ANKRD28: variants seen among roughly 807,000 people sequenced by gnomAD.
ANKRD28 encodes ankyrin repeat domain 28, also known as serine/threonine-protein phosphatase 6 regulatory ankyrin repeat subunit A.
A neutral mutation model predicts 126.5 loss-of-function variants in ANKRD28; 44 were observed. The ratio of observed to expected loss-of-function variants is 0.35; its 90% CI spans 0.27 to 0.45. The LOEUF (loss-of-function observed/expected upper bound fraction) is 0.45, where lower values mean the gene tolerates loss of function less well. Ranked by LOEUF, ANKRD28 falls within the 20% of genes least tolerant of loss-of-function variation. The probability of loss-of-function intolerance (pLI) is 1.00; values close to 1 mark genes in which losing one functional copy is unlikely to be tolerated. For synonymous variants in ANKRD28, 442 were observed against 468.5 expected, an observed-to-expected ratio of 0.94 and a Z score of 0.73; for missense variants, 1,110 against 1,316.6, an observed-to-expected ratio of 0.84 and a Z score of 2.43.
chr3:15,788,419 C>G (rs533462662), intron 2 of ANKRD28, among the ~76,000 whole-genome samples: 1 of 152,068 alleles, frequency 6.6e-6, no homozygotes, highest in Non-Finnish European at 1.5e-5. Context: ...GACATGGGTT[C>G]AAATTCCCAT....
rs1345503142 is a variant in ANKRD28, at chr3:15,811,284, T to TTA, written c.28-15979_28-15978insTA. ...CTCCATAATCTGTTACAATCACAAA[T>TTA]AGACTCTATAGACTTAAGTACTCAA... On this transcript the variant is annotated intron_variant, in intron 1 of 27. Coordinates refer to the ANKRD28 transcript ENST00000399451. Among the ~76,000 whole-genome samples the TTA allele has an allele frequency of 2.1e-3, 320 of 152,330 alleles. 2 individuals are homozygous for TTA. The highest frequency in any genetic ancestry group is 0.01 in the Middle Eastern group (3 of 294).
intron 1 of ANKRD28, among the ~76,000 whole-genome samples, chr3:15,828,826 A>G (rs2061127421): frequency 6.6e-6 from 1 of 152,166 alleles, no homozygotes. Context: ...CCCTTTATAA[A>G]TGTGTAATCA....
intron 1 of ANKRD28, among the ~76,000 whole-genome samples, chr3:15,837,115 A>C (rs2061343547): frequency 6.6e-6 from 1 of 151,146 alleles, no homozygotes; most frequent in African/African-American, 2.4e-5. Context: ...AAAAAAAAAA[A>C]CCATAAAAAC....
Position 15,708,019 on chromosome 3 carries a change from C to T in ANKRD28, c.1452G>A (p.Leu484=). ...YAAANCNYQC[L]FALVGSGASV... The stretch of plus-strand genomic sequence containing the variant: ...TTGCTCCTGATCCCACAAGAGCAAA[C>T]AGGCACTGGTAATTGCAGTTGGCAG... The change falls in exon 14 of 28, where the codon CTG becomes CTA. Residue 484 remains leucine (L), a synonymous_variant. Transcript: ENST00000683139. The T allele has an allele frequency of 6.2e-7, 1 of 1,610,738 alleles. No individual in the cohort carries two copies. The highest frequency in any genetic ancestry group is 8.5e-7 in the Non-Finnish European group (1 of 1,178,534).
intron 27 of ANKRD28, 34 bp from the exon 28 acceptor site, chr3:15,670,590 T>A: frequency 1.1e-5 from 17 of 1,584,414 alleles, no homozygotes; most frequent in Non-Finnish European, 1.4e-5. Flanking sequence ...AAATTAAGCA[T>A]CCTGAGATGT....
Position 15,808,852 on chromosome 3 carries a change from T to C in ANKRD28, c.28-13546A>G, listed in dbSNP as rs1199679071. The stretch of plus-strand genomic sequence containing the variant: ...CTCCAAGGTCATCAATGATAATTTA[T>C]TACAAAATCATCATTATTCTCAACT... On this transcript the variant is annotated intron_variant, in intron 1 of 27. Transcript: ENST00000399451. Among the ~76,000 whole-genome samples the C allele has an allele frequency of 7.9e-5, 12 of 152,312 alleles. No homozygotes were observed. The East Asian group carries it at 2.3e-3, about 29-fold the overall frequency.
chr3:15,818,136 C>T (rs894285910), intron 1 of ANKRD28, among the ~76,000 whole-genome samples: 6 of 152,064 alleles, frequency 3.9e-5, no homozygotes, highest in African/African-American at 1.4e-4. Flanking sequence ...CAGGAGCTCC[C>T]CCGTTATCCA....
chr3:15,806,318 C>T (rs2060576735), intron 1 of ANKRD28, among the ~76,000 whole-genome samples: 1 of 152,156 alleles, frequency 6.6e-6, no homozygotes, highest in African/African-American at 2.4e-5. Flanking sequence ...TTAGCCCATT[C>T]CTAACTAGGT....
rs974204985 is a variant in ANKRD28, at chr3:15,829,032, G to A, written c.27+30345C>T. Among the ~76,000 whole-genome samples, 6 of 152,158 alleles carry A rather than the reference G, an allele frequency of 3.9e-5. No individual in the cohort carries two copies. In the South Asian group the frequency reaches 1.2e-3, roughly 32 times the overall value. On this transcript the variant is annotated intron_variant, in intron 1 of 27. Coordinates refer to the ANKRD28 transcript ENST00000399451. ...GATATCTGCAGGACCAATATTAGAA[G>A]GCTGTTTTTAAAATTTTTGGTCTTA...
At chr3:15,742,234 C>T (rs1193892474) in intron 4 of ANKRD28, among the ~76,000 whole-genome samples, 1 of 150,626 alleles carries the variant, frequency 6.6e-6, no homozygotes, top group African/African-American at 2.4e-5. Flanking sequence ...TGCCTGGCTA[C>T]CCAGTCTGGA....
At chr3:15,784,834 C>G (rs2059700798) in intron 2 of ANKRD28, among the ~76,000 whole-genome samples, 2 of 151,914 alleles carry the variant, frequency 1.3e-5, no homozygotes, top group African/African-American at 4.8e-5. Flanking sequence ...GAGAATACAG[C>G]AGAGTAGGAA....
chr3:15,722,987 G>T (rs2073881810), intron 7 of ANKRD28, among the ~76,000 whole-genome samples: 1 of 152,008 alleles, frequency 6.6e-6, no homozygotes, highest in Non-Finnish European at 1.5e-5. Context: ...TTACTAAAAG[G>T]CTCTAAGTCT....
At chr3:15,831,434 T>A (rs747399331) in intron 1 of ANKRD28, among the ~76,000 whole-genome samples, 2 of 152,190 alleles carry the variant, frequency 1.3e-5, no homozygotes, top group Non-Finnish European at 2.9e-5. Flanking sequence ...TTCTTTGTTA[T>A]AGAGGAACGT....
At chr3:15,859,599 C>CCGG (rs2061862499) in exon 1 of ANKRD28, 1 of 201,064 alleles carries the variant, frequency 5.0e-6, no homozygotes, top group Non-Finnish European at 9.1e-6. Context: ...GCCGCCGCCG[C>CCGG]CGCCGCCGCC....
chr3:15,680,491 G>A (rs1280731550), intron 21 of ANKRD28, among the ~76,000 whole-genome samples: 1 of 152,064 alleles, frequency 6.6e-6, no homozygotes, highest in Non-Finnish European at 1.5e-5. Flanking sequence ...ACAGGTGTGA[G>A]CCACCATGCC....
In ANKRD28 at chr3:15,685,231, T is replaced by G. The variant is rs1047992781; in HGVS notation, c.2384A>C (p.Tyr795Ser). ...HGYTALHWAC[Y>S]NGHETCVELL... ...TTTGTGTTTGTATACTTAACCATTGTAGCAAGCCCAGTGAAGTGCCGTATA... is the reference window on the plus strand; with the variant it reads ...TTTGTGTTTGTATACTTAACCATTGGAGCAAGCCCAGTGAAGTGCCGTATA... The change falls in exon 21 of 28, where the codon TAC (tyrosine) becomes TCC (serine). Residue 795 changes from tyrosine to serine, a missense_variant. Coordinates refer to ENST00000683139, the MANE Select transcript of ANKRD28 (RefSeq NM_001349278.2). 1 of 1,613,892 alleles carries G rather than the reference T, an allele frequency of 6.2e-7. No individual in the cohort carries two copies. Among genetic ancestry groups the G allele is most frequent in the Non-Finnish European group, 8.5e-7 (1 of 1,179,802 alleles).
At chr3:15,717,496 T>C (rs948939603) in intron 8 of ANKRD28, among the ~76,000 whole-genome samples, 14 of 147,348 alleles carry the variant, frequency 9.5e-5, no homozygotes, top group African/African-American at 3.5e-4. Context: ...TCACCTCAAA[T>C]CACTTTAGCA....
chr3:15,842,798 A>T (rs949163498), intron 1 of ANKRD28, among the ~76,000 whole-genome samples: 12 of 152,228 alleles, frequency 7.9e-5, no homozygotes, highest in Non-Finnish European at 1.6e-4. Context: ...ATATATTAAT[A>T]TTTAAACTTG....
intron 4 of ANKRD28, chr3:15,738,840 T>G (rs986055412): frequency 3.3e-5 from 5 of 152,224 alleles, no homozygotes; most frequent in African/African-American, 1.2e-4. Context: ...TATGGGAGAC[T>G]GGGGCTTATT....
Sources: gnomAD v4.1 joint callset for allele counts (sites outside exome capture counted in the v4.1 genomes callset) on GRCh38, gnomAD v4.1.1 for gene constraint, MANE v1.5 for transcripts, NCBI Gene and HGNC (gene_info 2026-07-23, HGNC 2026-07-21) for gene names.